The following LRRC4C variants were observed in gnomAD, a reference collection of about 807,000 sequenced individuals.
LRRC4C encodes the protein leucine-rich repeat-containing protein 4C.
A neutral mutation model predicts 33.6 loss-of-function variants in LRRC4C; 5 were observed. The observed-to-expected ratio is 0.15, with a 90% confidence interval of 0.08 to 0.31. The LOEUF (loss-of-function observed/expected upper bound fraction) is 0.31. Among genes scored for constraint, LRRC4C ranks in the 10% least tolerant of loss-of-function variants. The pLI, the probability that LRRC4C is intolerant of heterozygous loss-of-function variation, is 1.00. For missense variants in LRRC4C, 560 were observed against 796.7 expected (o/e 0.70, Z 3.58); for synonymous variants, 329 against 302.0 (o/e 1.09, Z -0.93).
At chr11:41,414,324 T>A (rs970935517) in intron 1 of LRRC4C, among the ~76,000 whole-genome samples, 1 of 152,174 alleles carries the variant, frequency 6.6e-6, no homozygotes, top group Non-Finnish European at 1.5e-5. Context: ...AAATCAAGAA[T>A]GTTTTCTTTA....
intron 5 of LRRC4C, among the ~76,000 whole-genome samples, chr11:40,159,880 A>T (rs745657524): frequency 2.0e-5 from 3 of 152,228 alleles, no homozygotes; most frequent in Admixed American, 6.5e-5. Flanking sequence ...TAACTTGTTC[A>T]TTATCTCATT....
intron 3 of LRRC4C, among the ~76,000 whole-genome samples, chr11:40,553,350 T>C (rs1957203290): frequency 6.6e-6 from 1 of 152,152 alleles, no homozygotes; most frequent in African/African-American, 2.4e-5. Flanking sequence ...TAGAACTAAA[T>C]TAATATAGGA....
chr11:40,632,160 G>A (rs146243750), intron 3 of LRRC4C, among the ~76,000 whole-genome samples: 44 of 152,194 alleles, frequency 2.9e-4, no homozygotes, highest in African/African-American at 8.2e-4. Context: ...TTTGTTAATC[G>A]GATTGTGTTA....
chr11:40,118,414 G>A (rs1256192416), intron 6 of LRRC4C, among the ~76,000 whole-genome samples: 1 of 152,020 alleles, frequency 6.6e-6, no homozygotes, highest in African/African-American at 2.4e-5. Context: ...TACCTCGTGG[G>A]AATTTAAAAG....
intron 4 of LRRC4C, among the ~76,000 whole-genome samples, chr11:40,305,755 T>C (rs1432243281): frequency 1.3e-5 from 2 of 152,214 alleles, no homozygotes; most frequent in African/African-American, 4.8e-5. Flanking sequence ...TGGTAAGTTA[T>C]TTAACCTCTC....
At chr11:40,382,818 C>G (rs565756412) in intron 3 of LRRC4C, among the ~76,000 whole-genome samples, 19 of 151,064 alleles carry the variant, frequency 1.3e-4, no homozygotes, top group Non-Finnish European at 2.1e-4. Context: ...CTCAGCCTCC[C>G]AAGTAGCTGG....
In LRRC4C at chr11:40,860,120, A is replaced by AAATAAAT. The variant is rs1290789472; in HGVS notation, c.-407+73514_-407+73515insATTTATT. ...TAAATAAATAAATAAATAAATAAAT[A>AAATAAAT]AAATGTGAATGAACCTCAAAAACAT... On this transcript the variant is annotated intron_variant, in intron 2 of 6. Transcript: ENST00000528697. 3.3e-5 allele frequency among the ~76,000 whole-genome samples: 5 copies of AAATAAAT among 151,828 alleles called. No homozygotes were observed. In the East Asian group the frequency reaches 7.8e-4, roughly 24 times the overall value.
intron 1 of LRRC4C, among the ~76,000 whole-genome samples, chr11:41,069,086 T>C (rs1938485939): frequency 6.6e-6 from 1 of 152,214 alleles, no homozygotes; most frequent in Admixed American, 6.5e-5. Flanking sequence ...GAAGTTGGCT[T>C]TATCCCTGGG....
intron 4 of LRRC4C, among the ~76,000 whole-genome samples, chr11:40,252,905 A>T (rs753472865): frequency 5.9e-4 from 90 of 152,282 alleles, no homozygotes; most frequent in Middle Eastern, 3.4e-3. Context: ...AAAATAGGAG[A>T]CTTTAGGCTC....
At chr11:40,547,692 T>C (rs1956979975) in intron 3 of LRRC4C, among the ~76,000 whole-genome samples, 1 of 152,078 alleles carries the variant, frequency 6.6e-6, no homozygotes, top group Non-Finnish European at 1.5e-5. Flanking sequence ...AAACACCCTA[T>C]AGGACATAAA....
intron 1 of LRRC4C, among the ~76,000 whole-genome samples, chr11:40,982,338 A>G (rs1483157690): frequency 6.6e-6 from 1 of 152,262 alleles, no homozygotes; most frequent in Admixed American, 6.5e-5. Context: ...AAGAATGTTA[A>G]GCAAAAATTG....
intron 2 of LRRC4C, among the ~76,000 whole-genome samples, chr11:40,818,428 A>G (rs1300994343): frequency 2.0e-5 from 3 of 152,118 alleles, no homozygotes; most frequent in Non-Finnish European, 4.4e-5. Context: ...ATTGCTAAAT[A>G]TATCAAATAA....
At chr11:41,264,538 A>C (rs1949087741) in intron 1 of LRRC4C, among the ~76,000 whole-genome samples, 1 of 152,192 alleles carries the variant, frequency 6.6e-6, no homozygotes, top group African/African-American at 2.4e-5. Context: ...ACATACATAC[A>C]CATGTACATA....
chr11:40,277,810 C>T (rs1943219874), intron 4 of LRRC4C, among the ~76,000 whole-genome samples: 1 of 152,104 alleles, frequency 6.6e-6, no homozygotes, highest in South Asian at 2.1e-4. Context: ...GGTGCCTACT[C>T]ACAGCAAACA....
At chr11:40,355,805 G>A (rs182202264) in intron 3 of LRRC4C, among the ~76,000 whole-genome samples, 1 of 151,970 alleles carries the variant, frequency 6.6e-6, no homozygotes, top group Non-Finnish European at 1.5e-5. Context: ...CTGATTTTTG[G>A]CTCTTATAAA....
chr11:40,415,881 AC>A (rs1950307159), intron 3 of LRRC4C, among the ~76,000 whole-genome samples: 3 of 152,222 alleles, frequency 2.0e-5, no homozygotes, highest in African/African-American at 7.2e-5. Context: ...CAACATTGCC[AC>A]TAATCTGATG....
At chr11:41,062,587 G>C (rs1275996666) in intron 1 of LRRC4C, among the ~76,000 whole-genome samples, 1 of 152,158 alleles carries the variant, frequency 6.6e-6, no homozygotes, top group Non-Finnish European at 1.5e-5. Flanking sequence ...ATGCAAGAAT[G>C]AGCAGAAATG....
At chr11:40,794,758 A>G (rs1950758591) in intron 2 of LRRC4C, among the ~76,000 whole-genome samples, 1 of 152,150 alleles carries the variant, frequency 6.6e-6, no homozygotes, top group Non-Finnish European at 1.5e-5. Flanking sequence ...GACTCATCAA[A>G]TAACCTAGGG....
At chr11:41,177,552 C>T (rs1004067279) in intron 1 of LRRC4C, among the ~76,000 whole-genome samples, 1 of 152,216 alleles carries the variant, frequency 6.6e-6, no homozygotes, top group South Asian at 2.1e-4. Flanking sequence ...CCCTCTCTAC[C>T]TTCAACCCTG....
Sources: allele counts gnomAD v4.1 joint callset (sites outside exome capture counted in the v4.1 genomes callset), GRCh38; gene constraint gnomAD v4.1.1; transcripts MANE v1.5; gene names NCBI Gene and HGNC (gene_info 2026-07-23, HGNC 2026-07-21).